Variants in PLEKHA5 observed in about 807,000 individuals in gnomAD.
The protein encoded by PLEKHA5 is pleckstrin homology domain containing A5.
A neutral mutation model predicts 181.9 loss-of-function variants in PLEKHA5; 55 were observed. The ratio of observed to expected loss-of-function variants is 0.30; its 90% CI spans 0.24 to 0.38. The LOEUF is 0.38. Ranked by LOEUF, PLEKHA5 falls within the 10% of genes least tolerant of loss-of-function variation. The pLI, the probability that PLEKHA5 is intolerant of heterozygous loss-of-function variation, is 1.00. For missense variants in PLEKHA5, 1,432 were observed against 1,549.5 expected (o/e 0.92, Z 1.27); for synonymous variants, 535 against 529.4 (o/e 1.01, Z -0.15).
chr12:19,217,336 C>G (rs2058151698), intron 3 of PLEKHA5, among the ~76,000 whole-genome samples: 1 of 152,082 alleles, frequency 6.6e-6, no homozygotes, highest in Non-Finnish European at 1.5e-5. Flanking sequence ...TTGAATAAAG[C>G]AGTAGGTTAC....
chr12:19,369,707 C>T lies in PLEKHA5; in HGVS notation c.3769C>T (p.Pro1257Ser). Residue 1257 changes from proline (P) to serine (S), a missense_variant, in exon 31 of 32, where the codon CCA (proline) becomes TCA (serine). Pro to Ser is a moderately conservative substitution (Grantham distance 74). Transcript: ENST00000429027. ...GTGTGTTTTAGTGAAAAGTCTGTCC[C>T]CATCTCCTGAGTCCTCGGCATCGCC... The part of the protein sequence containing the change: ...NQTMAVKSLS[P>S]SPESSASPVP... 1 of 1,609,622 alleles carries T rather than the reference C, an allele frequency of 6.2e-7. No individual in the cohort carries two copies. Among genetic ancestry groups the T allele is most frequent in the Non-Finnish European group, 8.5e-7 (1 of 1,177,240 alleles).
At chr12:19,334,829 A>AAAAAAAAAAAAATATATATATATATAT in intron 20 of PLEKHA5, among the ~76,000 whole-genome samples, 3 of 18,604 alleles carry the variant, frequency 1.6e-4, no homozygotes, top group Non-Finnish European at 2.9e-4. Context: ...AAAAAAAAAA[A>AAAAAAAAAAAAATATATATATATATAT]ATATATATAT....
In PLEKHA5 at chr12:19,130,168, A is replaced by T. The variant is rs1483452606; in HGVS notation, c.169+38A>T. On this transcript the variant is annotated intron_variant, in intron 2 of 31. Coordinates refer to ENST00000429027, the MANE Select transcript of PLEKHA5 (RefSeq NM_001256470.2). This position sits in a 1 kb window ranked among gnomAD's most constrained non-coding sequence, Gnocchi z 4.5. ...CCAAACGGAGTTGGGCTCCGCCTGG[A>T]GGAGGCGGCAGAGCCCGGGCCGCCC... 1.4e-6 allele frequency: 2 copies of T among 1,380,778 alleles called. No individual in the cohort carries two copies. The allele number at this position is 1,380,778 out of a possible 1,614,324, so 85.5% of individuals were successfully genotyped here.
intron 3 of PLEKHA5, among the ~76,000 whole-genome samples, chr12:19,164,694 A>G (rs1395770596): frequency 6.6e-6 from 1 of 152,106 alleles, no homozygotes; most frequent in Non-Finnish European, 1.5e-5. Context: ...TCTACCTTAA[A>G]TGCTGGTGGC....
At chr12:19,269,508 CTT>C (rs11285432) in intron 8 of PLEKHA5, among the ~76,000 whole-genome samples, 224 of 143,352 alleles carry the variant, frequency 1.6e-3, no homozygotes, top group Middle Eastern at 0.015. Context: ...TCCATGCACT[CTT>C]TTTTTTTTTT....
intron 22 of PLEKHA5, among the ~76,000 whole-genome samples, chr12:19,344,680 T>G (rs1235029117): frequency 6.6e-6 from 1 of 152,248 alleles, no homozygotes; most frequent in Admixed American, 6.5e-5. Context: ...TTTCACATTA[T>G]GTTAATACCA....
chr12:19,341,508 G>A (rs1467914705), intron 21 of PLEKHA5, among the ~76,000 whole-genome samples: 3 of 151,450 alleles, frequency 2.0e-5, no homozygotes, highest in African/African-American at 2.4e-5. Flanking sequence ...TACATCTCTG[G>A]GCTGTCGTTG....
Position 19,353,874 on chromosome 12 carries a change from T to G in PLEKHA5, c.3020-10T>G. On this transcript the variant is annotated splice_polypyrimidine_tract_variant and intron_variant, in intron 25 of 31. Coordinates refer to ENST00000429027, the MANE Select transcript of PLEKHA5 (RefSeq NM_001256470.2). ...TGTTTTGTAAAACTTACTGCTGTTT[T>G]AATTTTTAGGTTCCCACTTTCCTGT... 3.0e-6 allele frequency: 4 copies of G among 1,329,486 alleles called. No individual in the cohort carries two copies. Among genetic ancestry groups the G allele is most frequent in the South Asian group, 1.2e-5 (1 of 84,138 alleles). The allele number at this position is 1,329,486 out of a possible 1,614,324, so 82.4% of individuals were successfully genotyped here.
intron 7 of PLEKHA5, among the ~76,000 whole-genome samples, chr12:19,264,520 T>G (rs2069649911): frequency 1.3e-5 from 2 of 152,332 alleles, no homozygotes; most frequent in South Asian, 4.1e-4. Context: ...ATTGTCACAT[T>G]CTCTGTAATT....
chr12:19,218,188 A>G (rs928814293), intron 3 of PLEKHA5, among the ~76,000 whole-genome samples: 4 of 152,204 alleles, frequency 2.6e-5, no homozygotes, highest in African/African-American at 4.8e-5. Flanking sequence ...GCTGGGGGAC[A>G]TTAATCAGAG....
intron 27 of PLEKHA5, among the ~76,000 whole-genome samples, chr12:19,359,143 A>C (rs2095098317): frequency 6.6e-6 from 1 of 152,218 alleles, no homozygotes; most frequent in Non-Finnish European, 1.5e-5. Context: ...AATCAAGTGC[A>C]GGCATTGCTA....
chr12:19,326,448 T>C (rs554369382), intron 20 of PLEKHA5, among the ~76,000 whole-genome samples: 53 of 152,300 alleles, frequency 3.5e-4, no homozygotes, highest in Middle Eastern at 3.4e-3. Context: ...GGGTATAACA[T>C]TAGCACCTCT....
At chr12:19,279,884 C>T (rs2075620972) in intron 11 of PLEKHA5, among the ~76,000 whole-genome samples, 1 of 151,800 alleles carries the variant, frequency 6.6e-6, no homozygotes, top group Admixed American at 6.6e-5. Flanking sequence ...GATGCTTTAA[C>T]CCACAAAGAG....
intron 7 of PLEKHA5, among the ~76,000 whole-genome samples, chr12:19,265,109 A>T (rs1176086388): frequency 6.6e-6 from 1 of 152,246 alleles, no homozygotes; most frequent in East Asian, 1.9e-4. Flanking sequence ...TAAATGTTTT[A>T]AAAAGCGTAT....
At chr12:19,239,174 A>T (rs920676295) in intron 3 of PLEKHA5, among the ~76,000 whole-genome samples, 1 of 152,212 alleles carries the variant, frequency 6.6e-6, no homozygotes, top group African/African-American at 2.4e-5. Context: ...GTTAAATACG[A>T]GGAGGATATC....
At chr12:19,349,876 G>A (rs1316037164) in intron 25 of PLEKHA5, among the ~76,000 whole-genome samples, 2 of 152,156 alleles carry the variant, frequency 1.3e-5, no homozygotes, top group East Asian at 3.9e-4. Flanking sequence ...ACTTTGGGAG[G>A]TGGAGGCGGG....
chr12:19,305,880 AAAAAC>A (rs1450888402), intron 15 of PLEKHA5, among the ~76,000 whole-genome samples: 19 of 147,240 alleles, frequency 1.3e-4, no homozygotes. Flanking sequence ...AAAAAAAAAA[AAAAAC>A]AACTATGAAG....
chr12:19,362,030 G>T lies in PLEKHA5; in HGVS notation c.3608+324G>T, dbSNP rs116422901. Among the ~76,000 whole-genome samples, 735 of 151,764 alleles carry T rather than the reference G, an allele frequency of 4.8e-3. 8 individuals carry two copies. The highest frequency in any genetic ancestry group is 0.017 in the African/African-American group (703 of 41,364). On this transcript the variant is annotated intron_variant, in intron 29 of 31. Coordinates refer to ENST00000429027, the MANE Select transcript of PLEKHA5 (RefSeq NM_001256470.2). ...TGAAAAAAAAAATTAGCCAGGCATG[G>T]TGGCATGTGCCTGTAGTCCTAGTCT... is the stretch of plus-strand genomic sequence containing the variant.
chr12:19,173,559 A>G lies in PLEKHA5; in HGVS notation c.227+41109A>G, dbSNP rs949935809. Among the ~76,000 whole-genome samples, 38 of 152,064 alleles carry G rather than the reference A, an allele frequency of 2.5e-4. 1 individual carries two copies. Among genetic ancestry groups the G allele is most frequent in the Non-Finnish European group, 1.0e-4 (7 of 68,020 alleles). ...GCAGTGCTTTTTACTTTTTTCCCCC[A>G]GGTAACAGTAATGACATGGTACTAA... is the stretch of plus-strand genomic sequence containing the variant. On this transcript the variant is annotated intron_variant, in intron 3 of 31. Coordinates refer to ENST00000429027, the MANE Select transcript of PLEKHA5 (RefSeq NM_001256470.2).
Sources: gnomAD v4.1 joint callset for allele counts (sites outside exome capture counted in the v4.1 genomes callset) on GRCh38, gnomAD v4.1.1 for gene constraint, Gnocchi (gnomAD v3.1) non-coding constraint, MANE v1.5 for transcripts, NCBI Gene and HGNC (gene_info 2026-07-23, HGNC 2026-07-21) for gene names.